Variants in CAMTA1 observed in about 807,000 individuals in gnomAD.
CAMTA1 encodes the protein calmodulin binding transcription activator 1.
In CAMTA1, 27 loss-of-function variants were observed where a neutral mutation model predicts 170.9. The ratio of observed to expected loss-of-function variants is 0.16; its 90% CI spans 0.12 to 0.22. The LOEUF (loss-of-function observed/expected upper bound fraction) is 0.22. Ranked by LOEUF, CAMTA1 falls within the 10% of genes least tolerant of loss-of-function variation. The pLI, the probability that CAMTA1 is intolerant of heterozygous loss-of-function variation, is 1.00. For missense variants in CAMTA1, 1,619 were observed against 2,217.2 expected, an observed-to-expected ratio of 0.73 and a Z score of 5.42; for synonymous variants, 833 against 891.5, an observed-to-expected ratio of 0.93 and a Z score of 1.17.
intron 5 of CAMTA1, among the ~76,000 whole-genome samples, chr1:7,391,111 C>T (rs578020798): frequency 6.6e-6 from 1 of 152,312 alleles, no homozygotes; most frequent in African/African-American, 2.4e-5. Flanking sequence ...GATTCTCCTG[C>T]CTCAGCCTCC....
chr1:7,466,429 T>C (rs1163621106), intron 5 of CAMTA1, among the ~76,000 whole-genome samples: 3 of 152,180 alleles, frequency 2.0e-5, no homozygotes, highest in Non-Finnish European at 4.4e-5. Context: ...CAGAATCGCA[T>C]AGTCCAAAAT....
chr1:7,441,695 G>A (rs777289909), intron 5 of CAMTA1: 8 of 152,136 alleles, frequency 5.3e-5, no homozygotes, highest in Admixed American at 5.2e-4. Context: ...CTAACAACTC[G>A]AGCCAAGGCC....
chr1:7,158,431 G>T lies in CAMTA1; in HGVS notation c.302+67060G>T, dbSNP rs147524836. ...AATGCCTGTATCTTGACAGATGTTGGATTGCACAGTGAGGCGCATTTGTCA... is the reference window on the plus strand; with the variant it reads ...AATGCCTGTATCTTGACAGATGTTGTATTGCACAGTGAGGCGCATTTGTCA... On this transcript the variant is annotated intron_variant, in intron 4 of 22. Transcript: ENST00000303635. Among the ~76,000 whole-genome samples the T allele has an allele frequency of 6.6e-3, 1,000 of 152,246 alleles. 6 individuals are homozygous for T. Among genetic ancestry groups the T allele is most frequent in the Middle Eastern group, 0.017 (5 of 294 alleles).
At chr1:7,493,131 CAT>C (rs1417384960) in intron 6 of CAMTA1, among the ~76,000 whole-genome samples, 1 of 132,954 alleles carries the variant, frequency 7.5e-6, no homozygotes, top group Non-Finnish European at 1.5e-5. Context: ...CACACACAGA[CAT>C]ACAAACGTGA....
chr1:7,040,214 A>G (rs1315184840), intron 3 of CAMTA1, among the ~76,000 whole-genome samples: 1 of 151,972 alleles, frequency 6.6e-6, no homozygotes, highest in African/African-American at 2.4e-5. Flanking sequence ...AAGTTTCAAA[A>G]GCTGCCAGCA....
Position 7,767,239 on chromosome 1 carries a change from A to G in CAMTA1, c.*748A>G, listed in dbSNP as rs1399108240. 1 of 152,822 alleles carries G rather than the reference A, an allele frequency of 6.5e-6. No individual in the cohort carries two copies. The highest frequency in any genetic ancestry group is 1.5e-5 in the Non-Finnish European group (1 of 68,052). 9.5% of individuals were successfully genotyped at this position (152,822 alleles called of 1,614,324 possible). A position where few individuals can be genotyped will look rare whatever the true frequency, so the allele number is the denominator to read the frequency against. ...ATTTTCTTGTCCCCACCACCTTCCA[A>G]GAACCTGCGAGGGTAGTAATCATCT... On this transcript the variant is annotated 3_prime_UTR_variant, in exon 23 of 23. Coordinates refer to ENST00000303635, the MANE Select transcript of CAMTA1 (RefSeq NM_015215.4).
At chr1:7,171,695 T>C (rs1038246670) in intron 4 of CAMTA1, among the ~76,000 whole-genome samples, 8 of 152,232 alleles carry the variant, frequency 5.3e-5, no homozygotes, top group Admixed American at 4.6e-4. Flanking sequence ...GCGCAGTCAC[T>C]GCTACCTAAT....
At chr1:7,619,902 G>A (rs921477014) in intron 6 of CAMTA1, among the ~76,000 whole-genome samples, 5 of 152,128 alleles carry the variant, frequency 3.3e-5, no homozygotes, top group Admixed American at 1.3e-4. Context: ...CGCCTGCCTC[G>A]GGAGAAATGA....
chr1:7,446,585 G>A (rs754135637), intron 5 of CAMTA1, among the ~76,000 whole-genome samples: 9 of 152,188 alleles, frequency 5.9e-5, no homozygotes, highest in East Asian at 1.9e-4. Flanking sequence ...AAGGTGATAC[G>A]GCAAACGGAG....
At chr1:6,911,824 G>A (rs1413231641) in intron 3 of CAMTA1, among the ~76,000 whole-genome samples, 1 of 152,174 alleles carries the variant, frequency 6.6e-6, no homozygotes, top group Non-Finnish European at 1.5e-5. Flanking sequence ...TGCTGTCTGC[G>A]GGCTCTGTTC....
intron 6 of CAMTA1, among the ~76,000 whole-genome samples, chr1:7,568,481 A>G (rs111162190): frequency 1.4e-5 from 2 of 144,890 alleles, no homozygotes; most frequent in Admixed American, 7.0e-5. Flanking sequence ...ACCATCATCA[A>G]CATCACCATC....
intron 5 of CAMTA1, among the ~76,000 whole-genome samples, chr1:7,462,995 A>T (rs2093126803): frequency 6.6e-6 from 1 of 151,990 alleles, no homozygotes; most frequent in Admixed American, 6.6e-5. Context: ...CCTGAGCTGG[A>T]CTCCAGCTGA....
intron 3 of CAMTA1, among the ~76,000 whole-genome samples, chr1:7,031,683 G>A (rs1381447142): frequency 6.6e-6 from 1 of 152,146 alleles, no homozygotes; most frequent in Non-Finnish European, 1.5e-5. Flanking sequence ...GGGACTACAG[G>A]CGCGTGCCAC....
intron 6 of CAMTA1, among the ~76,000 whole-genome samples, chr1:7,535,419 A>C (rs1056929556): frequency 3.4e-4 from 52 of 152,214 alleles, no homozygotes; most frequent in Admixed American, 2.1e-3. Flanking sequence ...CGTCAGACAG[A>C]GTATGTGGGC....
intron 6 of CAMTA1, among the ~76,000 whole-genome samples, chr1:7,494,151 CAAA>C (rs201225081): frequency 3.5e-5 from 4 of 113,282 alleles, no homozygotes; most frequent in Non-Finnish European, 4.0e-5. Context: ...ATCTGCTGTT[CAAA>C]AAAAAAAAAA....
rs761859531 is a variant in CAMTA1, at chr1:7,665,184, G to A, written c.2637G>A (p.Glu879=). 2 of 1,484,038 alleles carry A rather than the reference G, an allele frequency of 1.3e-6. No homozygotes were observed. Among genetic ancestry groups the A allele is most frequent in the African/African-American group, 1.4e-5 (1 of 71,222 alleles). 91.9% of individuals were successfully genotyped at this position (1,484,038 alleles called of 1,614,324 possible). A position where few individuals can be genotyped will look rare whatever the true frequency, so the allele number is the denominator to read the frequency against. Residue 879 remains glutamate (E), a synonymous_variant, in exon 9 of 23, where the codon GAG becomes GAA. Coordinates refer to ENST00000303635, the MANE Select transcript of CAMTA1 (RefSeq NM_015215.4). The surrounding 1 kb of genome is among the most constrained non-coding windows in gnomAD (Gnocchi z 4.3). ...RVFMVTDYSP[E]WSYPEGGVKV... The stretch of plus-strand genomic sequence containing the variant: ...TCATGGTGACCGACTACTCCCCAGA[G>A]TGGTCTTACCCAGAGGTAAGCTGCC...
intron 4 of CAMTA1, among the ~76,000 whole-genome samples, chr1:7,127,015 C>T (rs570915351): frequency 6.6e-6 from 1 of 152,168 alleles, no homozygotes; most frequent in East Asian, 1.9e-4. Flanking sequence ...ATGATCCACC[C>T]ACCTCAGCCT....
At chr1:7,557,560 T>C (rs192548297) in intron 6 of CAMTA1, among the ~76,000 whole-genome samples, 18 of 152,338 alleles carry the variant, frequency 1.2e-4, no homozygotes, top group Middle Eastern at 6.8e-3. Context: ...AAAACATAAT[T>C]TTCATTGCTT....
chr1:7,421,587 C>T (rs2091561016), intron 5 of CAMTA1, among the ~76,000 whole-genome samples: 1 of 152,184 alleles, frequency 6.6e-6, no homozygotes, highest in African/African-American at 2.4e-5. Flanking sequence ...TCAGTTTCTT[C>T]CTGTAGGAAC....
Sources: allele counts gnomAD v4.1 joint callset (sites outside exome capture counted in the v4.1 genomes callset), GRCh38; gene constraint gnomAD v4.1.1; non-coding constraint Gnocchi (gnomAD v3.1); transcripts MANE v1.5; gene names NCBI Gene and HGNC (gene_info 2026-07-23, HGNC 2026-07-21).